Variants in LPCAT3 observed in about 807,000 individuals in gnomAD.
The protein encoded by LPCAT3 is lysophospholipid acyltransferase 5.
Under a neutral mutation model 63.4 loss-of-function variants are expected in LPCAT3, and 21 were observed. The ratio of observed to expected loss-of-function variants is 0.33; its 90% CI spans 0.23 to 0.48. LPCAT3 has a LOEUF of 0.48. Ranked by LOEUF, LPCAT3 falls within the 20% of genes least tolerant of loss-of-function variation. LPCAT3 has a pLI of 0.99. For synonymous variants in LPCAT3, 242 were observed against 227.5 expected (o/e 1.06, Z -0.58); for missense variants, 451 against 590.6 (o/e 0.76, Z 2.45).
chr12:6,980,268 C>T (rs1453955636), intron 6 of LPCAT3, among the ~76,000 whole-genome samples: 1 of 151,998 alleles, frequency 6.6e-6, no homozygotes, highest in African/African-American at 2.4e-5. Context: ...GTCTTGAACT[C>T]CTGGCCTCCA....
chr12:6,977,688 CGA>C lies in LPCAT3; in HGVS notation c.1096_1097del (p.Ser366ValfsTer83). 1 of 1,614,200 alleles carries C rather than the reference CGA, an allele frequency of 6.2e-7. No individual in the cohort carries two copies. On this transcript the variant is annotated frameshift_variant, in exon 10 of 13. Transcript: ENST00000261407. LOFTEE classifies it high-confidence loss of function. This position sits in a 1 kb window ranked among gnomAD's most constrained non-coding sequence, Gnocchi z 4.5. ...CGTGCCAGAGGGCCAGGAATAGCAA[CGA>C]GAGACCCTGAGAGAGTTCTTTATTT... ...LGNKELSQGLSLLFLALWHGL... is the reference protein window; with the variant it reads ...LGNKELSQGLXLLFLALWHGL...
rs782140563 is a variant in LPCAT3 at position 6,982,693 on chromosome 12, T to C, written c.349A>G (p.Thr117Ala). ...MGRTITAVLTTFCFQMAYLLA... is the reference protein window; with the variant it reads ...MGRTITAVLTAFCFQMAYLLA... ...ACGTTTACCATCTGGAAGCAAAAGG[T>C]AGTGAGGACGGCAGTGATGGTGCGG... Residue 117 changes from threonine (T) to alanine (A), a missense_variant, in exon 3 of 13, where the codon ACC becomes GCC. Around this residue, in one of 3 missense-constraint regions of LPCAT3, gnomAD observed 133 missense variants for 152.1 expected, o/e 0.87. Transcript: ENST00000261407. 3 of 1,612,612 alleles carry C rather than the reference T, an allele frequency of 1.9e-6. No individual in the cohort carries two copies. Among genetic ancestry groups the C allele is most frequent in the African/African-American group, 2.7e-5 (2 of 74,842 alleles).
chr12:7,003,892 G>A (rs1304097053), intron 1 of LPCAT3, among the ~76,000 whole-genome samples: 2 of 140,460 alleles, frequency 1.4e-5, no homozygotes, highest in Non-Finnish European at 3.0e-5. Flanking sequence ...ACTGCAGTCC[G>A]CAGTCCGGCC....
Position 6,987,420 on chromosome 12 carries a change from A to G in LPCAT3, c.152-3881T>C, listed in dbSNP as rs782377679. ...ATCTATGACCCTTTCAGGTAGATCA[A>G]TGAGCAAGGAAATAGGATCAAGTCT... On this transcript the variant is annotated intron_variant, in intron 1 of 12. Coordinates refer to ENST00000261407, the MANE Select transcript of LPCAT3 (RefSeq NM_005768.6). This position sits in a 1 kb window ranked among gnomAD's most constrained non-coding sequence, Gnocchi z 4.1. 5.3e-5 allele frequency among the ~76,000 whole-genome samples: 8 copies of G among 152,372 alleles called. No individual in the cohort carries two copies. The East Asian group carries it at 7.7e-4, about 15-fold the overall frequency.
chr12:6,998,418 A>T (rs1946656817), intron 1 of LPCAT3, among the ~76,000 whole-genome samples: 1 of 152,206 alleles, frequency 6.6e-6, no homozygotes, highest in African/African-American at 2.4e-5. Context: ...GATCAGTCTT[A>T]CTTACAACAC....
intron 1 of LPCAT3, among the ~76,000 whole-genome samples, chr12:7,006,827 T>C (rs2138357557): frequency 6.6e-6 from 1 of 152,328 alleles, no homozygotes; most frequent in Admixed American, 6.5e-5. Flanking sequence ...TTAGGGACAG[T>C]AATCCAGAGT....
intron 1 of LPCAT3, among the ~76,000 whole-genome samples, chr12:7,003,835 T>G (rs782645468): frequency 1.2e-4 from 18 of 145,328 alleles, no homozygotes; most frequent in African/African-American, 4.4e-4. Context: ...GGCAGGAGAA[T>G]GGCGTGAACC....
chr12:6,988,717 C>T (rs1772438761), intron 1 of LPCAT3, among the ~76,000 whole-genome samples: 1 of 152,204 alleles, frequency 6.6e-6, no homozygotes, highest in Non-Finnish European at 1.5e-5. Context: ...GCCCCACTAA[C>T]ATCCGAATGC....
chr12:7,010,289 C>T (rs1591558193), intron 1 of LPCAT3, among the ~76,000 whole-genome samples: 2 of 152,184 alleles, frequency 1.3e-5, no homozygotes, highest in East Asian at 3.8e-4. Flanking sequence ...TCTTCCTGAT[C>T]TCCAGATTAC....
intron 1 of LPCAT3, among the ~76,000 whole-genome samples, chr12:7,009,287 C>T (rs1946746625): frequency 6.6e-6 from 1 of 152,206 alleles, no homozygotes; most frequent in Admixed American, 6.5e-5. Context: ...TCTCCAACTC[C>T]TGACCTCAGG....
intron 1 of LPCAT3, among the ~76,000 whole-genome samples, chr12:6,997,617 G>T (rs373848449): frequency 7.4e-6 from 1 of 134,394 alleles, no homozygotes; most frequent in South Asian, 2.4e-4. Context: ...ATGGAGTTTC[G>T]CTCTTGTTGC....
rs782117998 is a variant in LPCAT3, at chr12:7,017,369, A to G, written c.151+905T>C. On this transcript the variant is annotated intron_variant, in intron 1 of 12. Transcript: ENST00000261407. The surrounding 1 kb of genome is among the most constrained non-coding windows in gnomAD (Gnocchi z 4.1). ...AGGCACTGTTGTCCTCATTTCATAG[A>G]TAAGGAAATTAGGCCCAGAGGGTTT... Among the ~76,000 whole-genome samples the G allele has an allele frequency of 3.3e-4, 51 of 152,276 alleles. No individual in the cohort carries two copies. Among genetic ancestry groups the G allele is most frequent in the Admixed American group, 1.7e-3 (26 of 15,292 alleles).
chr12:7,016,952 G>T (rs1565608061), intron 1 of LPCAT3, among the ~76,000 whole-genome samples: 1 of 152,226 alleles, frequency 6.6e-6, no homozygotes, highest in Non-Finnish European at 1.5e-5. Context: ...TAATAGGAAA[G>T]TAACAATGCT....
At chr12:7,004,688 T>C (rs1555156759) in intron 1 of LPCAT3, among the ~76,000 whole-genome samples, 2 of 152,238 alleles carry the variant, frequency 1.3e-5, no homozygotes, top group Non-Finnish European at 2.9e-5. Flanking sequence ...GGGTGTTCAA[T>C]TTGACTTTAT....
At chr12:7,004,630 T>TA (rs1263125314) in intron 1 of LPCAT3, among the ~76,000 whole-genome samples, 1 of 152,236 alleles carries the variant, frequency 6.6e-6, no homozygotes, top group African/African-American at 2.4e-5. Flanking sequence ...ATCCCATACA[T>TA]ATGTGTATAC....
chr12:7,006,126 G>A (rs1555156848), intron 1 of LPCAT3, among the ~76,000 whole-genome samples: 1 of 152,206 alleles, frequency 6.6e-6, no homozygotes. Context: ...ATTACTGTTA[G>A]GATCTTAATG....
intron 1 of LPCAT3, among the ~76,000 whole-genome samples, chr12:7,003,928 CA>C (rs781922909): frequency 0.12 from 7,500 of 63,444 alleles, 104 homozygotes; most frequent in African/African-American, 0.19. Flanking sequence ...GACTCCGTCT[CA>C]AAAAAAAAAA....
intron 1 of LPCAT3, among the ~76,000 whole-genome samples, chr12:7,011,307 G>T (rs1946762589): frequency 6.6e-6 from 1 of 152,096 alleles, no homozygotes; most frequent in African/African-American, 2.4e-5. Context: ...AAGTGCTGGG[G>T]TTACAGGCGT....
chr12:7,018,452 C>A lies in LPCAT3; in HGVS notation c.-28G>T. 1.3e-6 allele frequency: 2 copies of A among 1,553,030 alleles called. No homozygotes were observed. Among genetic ancestry groups the A allele is most frequent in the Admixed American group, 1.9e-5 (1 of 51,988 alleles). ...TAACTCCGGGAGCCCCACAGGGACC[C>A]CCCAGCTCCGCGCGCCCCGAATGCG... On this transcript the variant is annotated 5_prime_UTR_variant, in exon 1 of 13. Transcript: ENST00000261407. The surrounding 1 kb of genome is among the most constrained non-coding windows in gnomAD (Gnocchi z 4.9).
Sources: allele counts gnomAD v4.1 joint callset (sites outside exome capture counted in the v4.1 genomes callset), GRCh38; gene constraint gnomAD v4.1.1; regional missense constraint gnomAD v4.1.1; non-coding constraint Gnocchi (gnomAD v3.1); transcripts MANE v1.5; gene names NCBI Gene and HGNC (gene_info 2026-07-23, HGNC 2026-07-21).